The following CPXM2 variants were observed in gnomAD, a reference collection of about 807,000 sequenced individuals.
The protein encoded by CPXM2 is inactive carboxypeptidase-like protein X2.
In CPXM2, 66 loss-of-function variants were observed where a neutral mutation model predicts 86.1. The ratio of observed to expected loss-of-function variants is 0.77; its 90% CI spans 0.63 to 0.94. The LOEUF (loss-of-function observed/expected upper bound fraction) is 0.94, where lower values mean the gene tolerates loss of function less well. CPXM2 is among the 40% of genes least tolerant of loss of function. The probability of loss-of-function intolerance (pLI) is 0.00; values close to 1 mark genes in which losing one functional copy is unlikely to be tolerated. For synonymous variants in CPXM2, 388 were observed against 400.2 expected, an observed-to-expected ratio of 0.97 and a Z score of 0.36; for missense variants, 948 against 1,026.3, an observed-to-expected ratio of 0.92 and a Z score of 1.04.
chr10:123,843,237 C>T (rs1160049644), intron 3 of CPXM2: 1 of 453,522 alleles, frequency 2.2e-6, no homozygotes, highest in Non-Finnish European at 4.4e-6. Flanking sequence ...CAAGCACACA[C>T]CACCATGCCC....
At chr10:123,840,083 G>A (rs913428177) in intron 4 of CPXM2, among the ~76,000 whole-genome samples, 1 of 152,118 alleles carries the variant, frequency 6.6e-6, no homozygotes, top group South Asian at 2.1e-4. Flanking sequence ...ATAATAACCC[G>A]ACTACTGGGT....
At chr10:123,869,642 C>T (rs902652968) in intron 2 of CPXM2, among the ~76,000 whole-genome samples, 2 of 152,180 alleles carry the variant, frequency 1.3e-5, no homozygotes, top group Non-Finnish European at 2.9e-5. Flanking sequence ...CCTCGGGAGG[C>T]GAGCATGGCG....
chr10:123,904,211 G>A (rs575031987), intron 2 of CPXM2, among the ~76,000 whole-genome samples: 65 of 152,104 alleles, frequency 4.3e-4, no homozygotes, highest in Non-Finnish European at 8.2e-4. Context: ...TCTCAATCAG[G>A]ACTAACTCTT....
chr10:123,910,853 C>G (rs1945481958), intron 2 of CPXM2, among the ~76,000 whole-genome samples: 1 of 152,204 alleles, frequency 6.6e-6, no homozygotes, highest in South Asian at 2.1e-4. Context: ...GGAGGATCCA[C>G]TCTTGCCTCT....
rs1242294239 is a variant in CPXM2, at chr10:123,891,128, G to C, written c.304+228C>G. Among the ~76,000 whole-genome samples, 3 of 152,224 alleles carry C rather than the reference G, an allele frequency of 2.0e-5. No homozygotes were observed. The highest frequency in any genetic ancestry group is 7.2e-5 in the African/African-American group (3 of 41,458). On this transcript the variant is annotated intron_variant, in intron 1 of 13. Transcript: ENST00000241305. The surrounding 1 kb of genome is among the most constrained non-coding windows in gnomAD (Gnocchi z 5.6). ...ATTGCACAGCTCCCTCTTTACCTAA[G>C]GGCATAAGCCAGAGCTGAAATGCAT...
intron 3 of CPXM2, among the ~76,000 whole-genome samples, chr10:123,844,390 A>G (rs1365514085): frequency 2.6e-5 from 4 of 152,186 alleles, no homozygotes; most frequent in Non-Finnish European, 5.9e-5. Context: ...CAATACCAAA[A>G]AAAAACTGAG....
intron 2 of CPXM2, chr10:123,914,188 C>T: frequency 2.4e-6 from 1 of 420,940 alleles, no homozygotes; most frequent in South Asian, 1.8e-5. Flanking sequence ...CATCCGGGAA[C>T]TCTGTGAAGC....
chr10:123,925,989 C>T (rs1204588020), intron 2 of CPXM2, among the ~76,000 whole-genome samples: 1 of 152,206 alleles, frequency 6.6e-6, no homozygotes, highest in East Asian at 1.9e-4. Flanking sequence ...GCATATCATG[C>T]TTTTAAAGTA....
intron 4 of CPXM2, among the ~76,000 whole-genome samples, chr10:123,823,089 A>G (rs1847963949): frequency 1.3e-5 from 2 of 152,202 alleles, no homozygotes. Flanking sequence ...ACCAAGAGTG[A>G]TATCAACAAA....
intron 7 of CPXM2, among the ~76,000 whole-genome samples, chr10:123,772,685 A>T (rs895606077): frequency 5.3e-5 from 8 of 151,322 alleles, no homozygotes; most frequent in Admixed American, 5.3e-4. Context: ...GGTCATGGTT[A>T]TCACTTTCCT....
At chr10:123,768,080 G>C (rs1846527427) in intron 9 of CPXM2, among the ~76,000 whole-genome samples, 2 of 152,164 alleles carry the variant, frequency 1.3e-5, no homozygotes, top group South Asian at 4.1e-4. Flanking sequence ...TGCCTCAGCA[G>C]AGACACTCAA....
intron 2 of CPXM2, among the ~76,000 whole-genome samples, chr10:123,864,962 T>C (rs1475328192): frequency 6.6e-6 from 1 of 152,208 alleles, no homozygotes; most frequent in Non-Finnish European, 1.5e-5. Context: ...GCACGTCTAA[T>C]AGCAACTGAA....
chr10:123,821,323 G>A (rs78413127), intron 4 of CPXM2, among the ~76,000 whole-genome samples: 1 of 152,144 alleles, frequency 6.6e-6, no homozygotes, highest in Admixed American at 6.5e-5. Context: ...CATAATTAGG[G>A]TTTCCTGGTA....
Position 123,748,967 on chromosome 10 carries a change from G to A in CPXM2, c.2018-1950C>T, listed in dbSNP as rs559219248. 1.1e-3 allele frequency among the ~76,000 whole-genome samples: 171 copies of A among 152,308 alleles called. 1 individual carries two copies. Among genetic ancestry groups the A allele is most frequent in the African/African-American group, 3.9e-3 (162 of 41,574 alleles). On this transcript the variant is annotated intron_variant, in intron 13 of 13. Transcript: ENST00000241305. The stretch of plus-strand genomic sequence containing the variant: ...AAAGCTGTAGGCGCCTGAAGAGCCC[G>A]TGTTTTCCTCTTCTGTGCTCAACAT...
intron 1 of CPXM2, among the ~76,000 whole-genome samples, chr10:123,890,514 A>G (rs976739868): frequency 6.6e-6 from 1 of 152,244 alleles, no homozygotes; most frequent in African/African-American, 2.4e-5. Flanking sequence ...GGCCATTGCG[A>G]GGCCAGAGAA....
intron 4 of CPXM2, among the ~76,000 whole-genome samples, chr10:123,840,925 C>A (rs1477603975): frequency 6.6e-6 from 1 of 152,118 alleles, no homozygotes; most frequent in Non-Finnish European, 1.5e-5. Context: ...ATCTAGTCAG[C>A]AAATTAAACT....
intron 2 of CPXM2, among the ~76,000 whole-genome samples, chr10:123,930,262 C>A (rs913702708): frequency 2.6e-5 from 4 of 152,226 alleles, no homozygotes; most frequent in Admixed American, 6.5e-5. Context: ...AACCTCCATC[C>A]CACAGCCCTG....
chr10:123,754,694 G>A lies in CPXM2; in HGVS notation c.1986C>T (p.Ser662=), dbSNP rs1242161731. 20 of 1,606,500 alleles carry A rather than the reference G, an allele frequency of 1.2e-5. No homozygotes were observed. The highest frequency in any genetic ancestry group is 5.0e-5 in the Admixed American group (3 of 59,998). The change falls in exon 13 of 14, where the codon TCC becomes TCT. Residue 662 remains serine (S), a synonymous_variant. Coordinates refer to ENST00000241305, the MANE Select transcript of CPXM2 (RefSeq NM_198148.3). The surrounding 1 kb of genome is among the most constrained non-coding windows in gnomAD (Gnocchi z 4.0). Reference sequence around the variant, plus strand: ...GGATGTCATGGTTAATGCCTTCTACGGAGATAATGGCGTTTGGGATTCCTT... The same window carrying A: ...GGATGTCATGGTTAATGCCTTCTACAGAGATAATGGCGTTTGGGATTCCTT... ...HGKGIPNAII[S]VEGINHDIRT...
In CPXM2 at chr10:123,830,870, C is replaced by CTGTG. The variant is rs1431527812; in HGVS notation, c.653+11478_653+11479insCACA. Among the ~76,000 whole-genome samples the CTGTG allele has an allele frequency of 1.1e-4, 11 of 102,674 alleles. No homozygotes were observed. The East Asian group carries it at 1.4e-3, about 13-fold the overall frequency. 67.4% of individuals were successfully genotyped at this position (102,674 alleles called of 152,430 possible). A position where few individuals can be genotyped will look rare whatever the true frequency, so the allele number is the denominator to read the frequency against. The stretch of plus-strand genomic sequence containing the variant: ...TGCACTCATCTCTCTCTCTCTCTCT[C>CTGTG]TCTGTGTGTGTGTGTGTGTGTGTGT... On this transcript the variant is annotated intron_variant, in intron 4 of 13. Transcript: ENST00000241305.
Sources: allele counts gnomAD v4.1 joint callset (sites outside exome capture counted in the v4.1 genomes callset), GRCh38; gene constraint gnomAD v4.1.1; non-coding constraint Gnocchi (gnomAD v3.1); transcripts MANE v1.5; gene names NCBI Gene and HGNC (gene_info 2026-07-23, HGNC 2026-07-21).